The following CPEB1 variants were observed in gnomAD, a reference collection of about 807,000 sequenced individuals.
The protein encoded by CPEB1 is cytoplasmic polyadenylation element-binding protein 1.
CPEB1 carries 7 observed loss-of-function variants against 65.8 expected under a neutral mutation model. That is an observed-to-expected ratio of 0.11 (90% CI 0.06 to 0.20). The LOEUF is 0.20. CPEB1 is among the 10% of genes least tolerant of loss of function. The probability of loss-of-function intolerance (pLI) is 1.00; values close to 1 mark genes in which losing one functional copy is unlikely to be tolerated. For missense variants in CPEB1, 551 were observed against 712.2 expected (o/e 0.77, Z 2.58); for synonymous variants, 262 against 260.0 (o/e 1.01, Z -0.08).
In CPEB1 at chr15:82,585,510, C is replaced by A. The variant is rs552067339; in HGVS notation, c.272-13978G>T. On this transcript the variant is annotated intron_variant, in intron 3 of 12. Coordinates refer to ENST00000684509, the MANE Select transcript of CPEB1 (RefSeq NM_001365242.1). The stretch of plus-strand genomic sequence containing the variant: ...AGTCCAGGAAGAACTAGGCAACTTA[C>A]AACTATCACCACATTCCTCAAAACA... 9.8e-5 allele frequency among the ~76,000 whole-genome samples: 15 copies of A among 152,294 alleles called. No individual in the cohort carries two copies. The South Asian group carries it at 2.1e-3, about 21-fold the overall frequency.
chr15:82,546,863 T>C (rs2035316954), intron 11 of CPEB1, among the ~76,000 whole-genome samples: 1 of 152,108 alleles, frequency 6.6e-6, no homozygotes, highest in East Asian at 1.9e-4. Context: ...GGTTGGAAAA[T>C]AGGAAGTCAG....
chr15:82,614,357 A>G (rs2044484127), intron 3 of CPEB1, among the ~76,000 whole-genome samples: 1 of 152,216 alleles, frequency 6.6e-6, no homozygotes, highest in African/African-American at 2.4e-5. Flanking sequence ...TCTGCTGTAT[A>G]ACTGATTAAA....
At chr15:82,621,588 A>G (rs2045306572) in intron 3 of CPEB1, among the ~76,000 whole-genome samples, 1 of 151,884 alleles carries the variant, frequency 6.6e-6, no homozygotes, top group Non-Finnish European at 1.5e-5. Flanking sequence ...ATTGCACTCC[A>G]GCCTGGGAAA....
intron 4 of CPEB1, among the ~76,000 whole-genome samples, chr15:82,563,026 A>C (rs2038499460): frequency 6.6e-6 from 1 of 152,220 alleles, no homozygotes; most frequent in African/African-American, 2.4e-5. Flanking sequence ...AGACAGACAC[A>C]GTAACCATGA....
intron 4 of CPEB1, among the ~76,000 whole-genome samples, chr15:82,560,081 A>G: frequency 6.6e-6 from 1 of 151,872 alleles, no homozygotes; most frequent in East Asian, 1.9e-4. Flanking sequence ...AAGACTCTGA[A>G]AAAAAAAAGT....
At chr15:82,585,852 C>T (rs187869288) in intron 3 of CPEB1, among the ~76,000 whole-genome samples, 321 of 152,134 alleles carry the variant, frequency 2.1e-3, no homozygotes, top group Non-Finnish European at 4.0e-3. Context: ...CTGTTACCAA[C>T]ACTGGTACTA....
intron 5 of CPEB1, 190 bp from the exon 6 acceptor site, chr15:82,556,312 C>G: frequency 1.7e-6 from 1 of 594,550 alleles, no homozygotes; most frequent in African/African-American, 1.9e-5. Context: ...TCCTTCTCTC[C>G]TCATTCAACT....
intron 3 of CPEB1, among the ~76,000 whole-genome samples, chr15:82,605,884 CA>C (rs2043539886): frequency 6.6e-6 from 1 of 151,612 alleles, no homozygotes; most frequent in Non-Finnish European, 1.5e-5. Flanking sequence ...ACTAAAAATA[CA>C]AAATTAGCCA....
chr15:82,582,535 T>C (rs1398975191), intron 3 of CPEB1, among the ~76,000 whole-genome samples: 1 of 152,068 alleles, frequency 6.6e-6, no homozygotes, highest in Admixed American at 6.6e-5. Context: ...AAGATCCAAA[T>C]CTCGATTTGT....
Position 82,544,523 on chromosome 15 carries a change from G to A in CPEB1, c.*69C>T. On this transcript the variant is annotated 3_prime_UTR_variant, in exon 13 of 13. Transcript: ENST00000684509. ...CCAGCTCCCTGGTCGCCAGTGGCAG[G>A]GTGGTGCAGGCTGCTTGCCTGACCT... 8.7e-7 allele frequency: 1 copy of A among 1,156,030 alleles called. No individual in the cohort carries two copies. 71.6% of individuals were successfully genotyped at this position (1,156,030 alleles called of 1,614,324 possible). A position where few individuals can be genotyped will look rare whatever the true frequency, so the allele number is the denominator to read the frequency against.
intron 1 of CPEB1, among the ~76,000 whole-genome samples, chr15:82,637,198 CAG>C (rs2046731994): frequency 1.3e-5 from 2 of 152,278 alleles, no homozygotes; most frequent in South Asian, 2.1e-4. Context: ...GTGAGAATGA[CAG>C]AGTCTCATAA....
At chr15:82,606,453 C>T (rs1239892205) in intron 3 of CPEB1, among the ~76,000 whole-genome samples, 1 of 140,450 alleles carries the variant, frequency 7.1e-6, no homozygotes, top group Non-Finnish European at 1.5e-5. Context: ...CTGGGTGACA[C>T]AGGGATACTC....
intron 3 of CPEB1, chr15:82,573,021 C>T: frequency 6.5e-7 from 1 of 1,532,616 alleles, no homozygotes; most frequent in Non-Finnish European, 8.7e-7. Context: ...AACCTGGACT[C>T]AGCTGGTAGC....
chr15:82,576,874 A>G (rs2040705071), intron 3 of CPEB1, among the ~76,000 whole-genome samples: 2 of 152,118 alleles, frequency 1.3e-5, no homozygotes, highest in South Asian at 4.2e-4. Context: ...AATACAAAAA[A>G]TCAGCCGGGC....
intron 10 of CPEB1, among the ~76,000 whole-genome samples, chr15:82,548,024 G>A (rs2035571930): frequency 6.6e-6 from 1 of 152,098 alleles, no homozygotes; most frequent in African/African-American, 2.4e-5. Flanking sequence ...TTAAAACAGT[G>A]GTGACATTAA....
At chr15:82,608,196 T>C (rs2043805618) in intron 3 of CPEB1, among the ~76,000 whole-genome samples, 2 of 152,250 alleles carry the variant, frequency 1.3e-5, no homozygotes, top group African/African-American at 4.8e-5. Context: ...TTAAGCTTTT[T>C]TGGTTAGCCT....
intron 6 of CPEB1, among the ~76,000 whole-genome samples, chr15:82,555,023 AC>A (rs1201490287): frequency 6.6e-6 from 1 of 152,212 alleles, no homozygotes; most frequent in African/African-American, 2.4e-5. Context: ...GCAAACAGAC[AC>A]ACTGAAGCCT....
intron 3 of CPEB1, among the ~76,000 whole-genome samples, chr15:82,610,680 G>A (rs753096810): frequency 4.0e-5 from 6 of 151,716 alleles, no homozygotes; most frequent in Admixed American, 2.6e-4. Flanking sequence ...TCCTCAGGCC[G>A]GGCCCGGTCA....
At chr15:82,591,842 CTTTTT>C (rs771971142) in intron 3 of CPEB1, among the ~76,000 whole-genome samples, 2 of 134,132 alleles carry the variant, frequency 1.5e-5, no homozygotes, top group Admixed American at 7.5e-5. Context: ...TGTATCAGAA[CTTTTT>C]TTTTTTTTTT....
Sources: allele counts gnomAD v4.1 joint callset (sites outside exome capture counted in the v4.1 genomes callset), GRCh38; gene constraint gnomAD v4.1.1; transcripts MANE v1.5; gene names NCBI Gene and HGNC (gene_info 2026-07-23, HGNC 2026-07-21).